STK24: variants seen among roughly 807,000 people sequenced by gnomAD.
STK24 encodes serine/threonine-protein kinase 24.
STK24 carries 21 observed loss-of-function variants against 55.6 expected under a neutral mutation model. That is an observed-to-expected ratio of 0.38 (90% CI 0.27 to 0.54). The LOEUF is 0.54. Ranked by LOEUF, STK24 falls within the 20% of genes least tolerant of loss-of-function variation. The probability of loss-of-function intolerance (pLI) is 0.79; values close to 1 mark genes in which losing one functional copy is unlikely to be tolerated. For synonymous variants in STK24, 200 were observed against 215.2 expected, an observed-to-expected ratio of 0.93 and a Z score of 0.62; for missense variants, 383 against 538.4, an observed-to-expected ratio of 0.71 and a Z score of 2.86.
chr13:98,474,612 A>G (rs967951988), intron 5 of STK24, among the ~76,000 whole-genome samples: 1 of 152,098 alleles, frequency 6.6e-6, no homozygotes, highest in African/African-American at 2.4e-5. Flanking sequence ...AACCTCGATC[A>G]TGGTGGGCTG....
intron 1 of STK24, among the ~76,000 whole-genome samples, chr13:98,557,294 T>C (rs1162154500): frequency 6.6e-6 from 1 of 152,248 alleles, no homozygotes; most frequent in Admixed American, 6.5e-5. Flanking sequence ...TATTTCTAAC[T>C]GCCTGTTCAT....
intron 1 of STK24, among the ~76,000 whole-genome samples, chr13:98,561,925 C>G (rs764779923): frequency 7.0e-6 from 1 of 142,340 alleles, no homozygotes; most frequent in Non-Finnish European, 1.5e-5. Flanking sequence ...TGCAGTGAGC[C>G]GAGATCCCAC....
chr13:98,467,334 C>CT (rs1195443333), intron 5 of STK24, among the ~76,000 whole-genome samples: 2 of 152,140 alleles, frequency 1.3e-5, no homozygotes, highest in Non-Finnish European at 2.9e-5. Context: ...AATATACAGA[C>CT]TTTTTACTAC....
chr13:98,550,643 T>C (rs1358366001), intron 1 of STK24, among the ~76,000 whole-genome samples: 2 of 152,190 alleles, frequency 1.3e-5, no homozygotes, highest in African/African-American at 2.4e-5. Context: ...CTAATACTTA[T>C]ACTGGTGGTC....
intron 1 of STK24, among the ~76,000 whole-genome samples, chr13:98,525,734 C>T (rs1896408623): frequency 6.6e-6 from 1 of 152,214 alleles, no homozygotes; most frequent in Non-Finnish European, 1.5e-5. Context: ...AGCCCTGGGG[C>T]TTGCTCCTCT....
At chr13:98,483,645 C>T (rs146606256) in intron 2 of STK24, among the ~76,000 whole-genome samples, 261 of 152,280 alleles carry the variant, frequency 1.7e-3, no homozygotes, top group African/African-American at 5.7e-3. Flanking sequence ...GCAAACTTTA[C>T]TTTTATTATC....
At chr13:98,462,409 C>A (rs1487290682) in intron 7 of STK24, among the ~76,000 whole-genome samples, 2 of 152,112 alleles carry the variant, frequency 1.3e-5, no homozygotes, top group Admixed American at 1.3e-4. Context: ...GCGCTCCCTC[C>A]CCCATCATGA....
rs1555302507 is a variant in STK24 at position 98,469,534 on chromosome 13, TC to T, written c.598-2974del. 7.8e-3 allele frequency among the ~76,000 whole-genome samples: 989 copies of T among 126,422 alleles called. 14 individuals carry two copies. Among genetic ancestry groups the T allele is most frequent in the African/African-American group, 0.026 (938 of 35,844 alleles). 82.9% of individuals were successfully genotyped at this position (126,422 alleles called of 152,430 possible). A position where few individuals can be genotyped will look rare whatever the true frequency, so the allele number is the denominator to read the frequency against. On this transcript the variant is annotated intron_variant, in intron 5 of 10. Coordinates refer to ENST00000539966, the MANE Select transcript of STK24 (RefSeq NM_001032296.4). ...CTGGGTGACAGAGCAAGACCCTGCA[TC>T]CCCCCCCCCAAAAAAAAAAGGCGGC...
intron 1 of STK24, among the ~76,000 whole-genome samples, chr13:98,575,394 ACTG>A (rs1211392313): frequency 6.4e-5 from 9 of 140,584 alleles, no homozygotes; most frequent in African/African-American, 2.4e-4. Context: ...ACATATATAT[ACTG>A]CTTATATATA....
intron 3 of STK24, among the ~76,000 whole-genome samples, chr13:98,480,059 A>G (rs1894528267): frequency 6.6e-6 from 1 of 152,150 alleles, no homozygotes; most frequent in African/African-American, 2.4e-5. Context: ...CACCAATTAA[A>G]TGAGACGATT....
At position 98,449,468 on chromosome 13, in the gene STK24, G is replaced by C. The variant is rs1355355377; in HGVS notation, c.*3705C>G. The C allele has an allele frequency of 1.3e-5, 2 of 152,198 alleles. No homozygotes were observed. The highest frequency in any genetic ancestry group is 3.9e-4 in the East Asian group (2 of 5,190). 9.4% of individuals were successfully genotyped at this position (152,198 alleles called of 1,614,324 possible). On this transcript the variant is annotated 3_prime_UTR_variant, in exon 11 of 11. Transcript: ENST00000539966. ...GTGATGGGGTGGCTGCCATTCCCTTGGTTTTCCTAAGCCCTTTCTAACGAG... is the reference window on the plus strand; with the variant it reads ...GTGATGGGGTGGCTGCCATTCCCTTCGTTTTCCTAAGCCCTTTCTAACGAG...
intron 8 of STK24, among the ~76,000 whole-genome samples, chr13:98,460,875 A>AT (rs887263275): frequency 2.8e-5 from 4 of 144,690 alleles, no homozygotes; most frequent in Non-Finnish European, 3.1e-5. Context: ...CCATGTTTCT[A>AT]TTAAAAAAAA....
At chr13:98,535,380 T>C (rs1896697048) in intron 1 of STK24, among the ~76,000 whole-genome samples, 2 of 136,926 alleles carry the variant, frequency 1.5e-5, no homozygotes, top group African/African-American at 6.2e-5. Flanking sequence ...AATATATATA[T>C]ATATATATAT....
intron 1 of STK24, among the ~76,000 whole-genome samples, chr13:98,575,123 C>CT (rs1417898812): frequency 6.6e-6 from 1 of 151,738 alleles, no homozygotes; most frequent in Non-Finnish European, 1.5e-5. Context: ...TAAGAAATTA[C>CT]TTTTTTCACC....
intron 5 of STK24, among the ~76,000 whole-genome samples, chr13:98,470,503 G>A (rs1426314993): frequency 6.6e-6 from 1 of 152,236 alleles, no homozygotes; most frequent in Non-Finnish European, 1.5e-5. Context: ...AAATGAGGTG[G>A]AAGGAGAGAC....
rs58661708 is a variant in STK24, at chr13:98,450,025, C to CTATT, written c.*3144_*3147dup. On this transcript the variant is annotated 3_prime_UTR_variant, in exon 11 of 11. Coordinates refer to ENST00000539966, the MANE Select transcript of STK24 (RefSeq NM_001032296.4). ...CTTGGGGACAAGGCAGTCTCCTCAG[C>CTATT]TATTTATTTCTGAATGATTGATTGA... 1.3e-5 allele frequency: 2 copies of CTATT among 151,908 alleles called. No homozygotes were observed. Among genetic ancestry groups the CTATT allele is most frequent in the Non-Finnish European group, 2.9e-5 (2 of 67,936 alleles). 9.4% of individuals were successfully genotyped at this position (151,908 alleles called of 1,614,324 possible).
chr13:98,555,031 A>AAAAAAAAG (rs1555312204), intron 1 of STK24, among the ~76,000 whole-genome samples: 17 of 143,640 alleles, frequency 1.2e-4, no homozygotes, highest in South Asian at 2.2e-4. Flanking sequence ...AAAAAAAAAA[A>AAAAAAAAG]AAAGAAAGAA....
rs1172340804 is a variant in STK24, at chr13:98,575,446, C to T, written c.42+1299G>A. On this transcript the variant is annotated intron_variant, in intron 1 of 10. Coordinates refer to ENST00000539966, the MANE Select transcript of STK24 (RefSeq NM_001032296.4). ...ACACACACATATACACACACACACA[C>T]TTGGACTAAAATTCTAGCTGCCATT... Among the ~76,000 whole-genome samples the T allele has an allele frequency of 3.3e-5, 5 of 152,058 alleles. No individual in the cohort carries two copies. The South Asian group carries it at 1.0e-3, about 32-fold the overall frequency.
chr13:98,514,604 C>A (rs1895992573), intron 2 of STK24, among the ~76,000 whole-genome samples: 1 of 152,188 alleles, frequency 6.6e-6, no homozygotes, highest in African/African-American at 2.4e-5. Flanking sequence ...GGATCTGAAT[C>A]CGCAATGAGA....
Sources: allele counts gnomAD v4.1 joint callset (sites outside exome capture counted in the v4.1 genomes callset), GRCh38; gene constraint gnomAD v4.1.1; transcripts MANE v1.5; gene names NCBI Gene and HGNC (gene_info 2026-07-23, HGNC 2026-07-21).